TXK: variants seen among roughly 807,000 people sequenced by gnomAD.
TXK encodes the protein tyrosine-protein kinase TXK.
Under a neutral mutation model 81.0 loss-of-function variants are expected in TXK, and 60 were observed. That is an observed-to-expected ratio of 0.74 (90% CI 0.60 to 0.92). The LOEUF (loss-of-function observed/expected upper bound fraction) is 0.92. Ranked by LOEUF, TXK falls within the 40% of genes least tolerant of loss-of-function variation. The pLI is 0.00. For synonymous variants in TXK, 203 were observed against 210.7 expected (o/e 0.96, Z 0.32); for missense variants, 581 against 638.3 (o/e 0.91, Z 0.97).
rs965248222 is a variant in TXK, at chr4:48,124,438, AT to A, written c.16+9716del. On this transcript the variant is annotated intron_variant, in intron 1 of 14. Transcript: ENST00000264316. ...TCTTATCCTTTTTTTTTTATTTTTA[AT>A]TTTTTTTTTCTGTCTTCTCCCTAGC... Among the ~76,000 whole-genome samples the A allele has an allele frequency of 2.9e-3, 434 of 148,884 alleles. 4 individuals carry two copies. The highest frequency in any genetic ancestry group is 0.01 in the African/African-American group (417 of 40,500).
At position 48,123,158 on chromosome 4, in the gene TXK, T is replaced by C. The variant is rs190050316; in HGVS notation, c.17-8756A>G. 2.6e-3 allele frequency among the ~76,000 whole-genome samples: 392 copies of C among 152,348 alleles called. 4 individuals are homozygous for C. The highest frequency in any genetic ancestry group is 6.8e-3 in the Middle Eastern group (2 of 294). ...GCCTGTTATGTTATTTTCTACTTTT[T>C]TCTGTATGCTTGAAATATTTCAAAA... On this transcript the variant is annotated intron_variant, in intron 1 of 14. Coordinates refer to ENST00000264316, the MANE Select transcript of TXK (RefSeq NM_003328.3).
chr4:48,069,333 T>C lies in TXK; in HGVS notation c.1516-1628A>G, dbSNP rs111877305. On this transcript the variant is annotated intron_variant, in intron 14 of 14. Transcript: ENST00000264316. Reference sequence around the variant, plus strand: ...AAATCAATCTTTTCTTTTCTTTTTTTTTTTTTTTTTTTGAGACAGTCTGGC... The same window carrying C: ...AAATCAATCTTTTCTTTTCTTTTTTCTTTTTTTTTTTTGAGACAGTCTGGC... Among the ~76,000 whole-genome samples, 113 of 141,056 alleles carry C rather than the reference T, an allele frequency of 8.0e-4. 1 individual carries two copies. The highest frequency in any genetic ancestry group is 3.5e-3 in the Middle Eastern group (1 of 284). The allele number at this position is 141,056 out of a possible 152,430, so 92.5% of individuals were successfully genotyped here.
Position 48,067,354 on chromosome 4 carries a change from A to G in TXK, c.*283T>C, listed in dbSNP as rs773938945. Reference sequence around the variant, plus strand: ...TGGGGCTATGATCATGAAGAGCACCACAATGAAGACTGCTGCGAAGTCTTT... The same window carrying G: ...TGGGGCTATGATCATGAAGAGCACCGCAATGAAGACTGCTGCGAAGTCTTT... On this transcript the variant is annotated 3_prime_UTR_variant, in exon 15 of 15. Coordinates refer to ENST00000264316, the MANE Select transcript of TXK (RefSeq NM_003328.3). 2.9e-6 allele frequency: 1 copy of G among 349,486 alleles called. No homozygotes were observed. The highest frequency in any genetic ancestry group is 5.4e-6 in the Non-Finnish European group (1 of 186,884). The allele number at this position is 349,486 out of a possible 1,614,324, so 21.6% of individuals were successfully genotyped here.
intron 13 of TXK, among the ~76,000 whole-genome samples, chr4:48,071,987 T>A (rs1716879666): frequency 6.9e-6 from 1 of 145,610 alleles, no homozygotes; most frequent in African/African-American, 2.5e-5. Context: ...AGGGTCTCGC[T>A]CTGTCGCCCG....
At chr4:48,087,094 TTTC>T (rs1378210491) in intron 9 of TXK, among the ~76,000 whole-genome samples, 1 of 152,194 alleles carries the variant, frequency 6.6e-6, no homozygotes, top group East Asian at 1.9e-4. Flanking sequence ...CTTGATACTT[TTTC>T]TTCTTAGGGA....
chr4:48,084,904 GAGAATGGGTCCAGT>G (rs2109417111), intron 10 of TXK, among the ~76,000 whole-genome samples: 2 of 139,382 alleles, frequency 1.4e-5, no homozygotes, highest in East Asian at 5.6e-4. Context: ...CCAGTTAATC[GAGAATGGGTCCAGT>G]TAATCACCTC....
intron 1 of TXK, among the ~76,000 whole-genome samples, chr4:48,119,456 C>T (rs908473572): frequency 3.3e-5 from 5 of 152,178 alleles, no homozygotes; most frequent in African/African-American, 1.2e-4. Flanking sequence ...CATGGACATA[C>T]AGTTCAAGTC....
rs144094572 is a variant in TXK at position 48,096,280 on chromosome 4, T to A, written c.502-1058A>T. Among the ~76,000 whole-genome samples, 715 of 152,312 alleles carry A rather than the reference T, an allele frequency of 4.7e-3. 5 individuals carry two copies. Among genetic ancestry groups the A allele is most frequent in the Non-Finnish European group, 7.4e-3 (503 of 68,022 alleles). Reference sequence around the variant, plus strand: ...GTTACATACCACAGAGGACACAAGATGTAAAAGACAAAGATGAAAAAGTAA... The same window carrying A: ...GTTACATACCACAGAGGACACAAGAAGTAAAAGACAAAGATGAAAAAGTAA... On this transcript the variant is annotated intron_variant, in intron 6 of 14. Transcript: ENST00000264316.
chr4:48,112,232 A>T, intron 4 of TXK, 75 bp downstream of exon 4: 2 of 1,374,642 alleles, frequency 1.5e-6, no homozygotes, highest in Non-Finnish European at 2.1e-6. Context: ...GGGAAGAGTT[A>T]TAAGCCTGAG....
At chr4:48,131,142 A>T (rs1719238257) in intron 1 of TXK, among the ~76,000 whole-genome samples, 1 of 152,128 alleles carries the variant, frequency 6.6e-6, no homozygotes, top group African/African-American at 2.4e-5. Flanking sequence ...TCACAAACTG[A>T]ATCTCACTGG....
chr4:48,131,713 A>G (rs10027991), intron 1 of TXK, among the ~76,000 whole-genome samples: 116,314 of 152,126 alleles, frequency 0.76, 44,660 homozygotes, highest in East Asian at 0.92. Context: ...AATCCCTTGG[A>G]CAATCAAATC....
At chr4:48,070,261 A>AAAG (rs1371309299) in intron 14 of TXK, among the ~76,000 whole-genome samples, 1 of 152,046 alleles carries the variant, frequency 6.6e-6, no homozygotes, top group East Asian at 1.9e-4. Flanking sequence ...CAGAGGTGGA[A>AAAG]AAGAAGCCCC....
chr4:48,074,517 G>A (rs1716989806), intron 12 of TXK, among the ~76,000 whole-genome samples: 2 of 152,082 alleles, frequency 1.3e-5, no homozygotes, highest in Non-Finnish European at 2.9e-5. Flanking sequence ...CAGAAGGGGG[G>A]AAAGTAAAAG....
In TXK at chr4:48,067,131, T is replaced by C. The variant is rs1412759619; in HGVS notation, c.*506A>G. Reference sequence around the variant, plus strand: ...GACATTTCCAGAATACTAACATTCATGTGATTTATAAAGGTGCATTTTCTG... The same window carrying C: ...GACATTTCCAGAATACTAACATTCACGTGATTTATAAAGGTGCATTTTCTG... On this transcript the variant is annotated 3_prime_UTR_variant, in exon 15 of 15. Transcript: ENST00000264316. 1 of 152,556 alleles carries C rather than the reference T, an allele frequency of 6.6e-6. No individual in the cohort carries two copies. Among genetic ancestry groups the C allele is most frequent in the Non-Finnish European group, 1.5e-5 (1 of 68,282 alleles). 9.5% of individuals were successfully genotyped at this position (152,556 alleles called of 1,614,324 possible). A position where few individuals can be genotyped will look rare whatever the true frequency, so the allele number is the denominator to read the frequency against.
intron 6 of TXK, among the ~76,000 whole-genome samples, chr4:48,104,260 TAATATATAATATAATATATAA>T (rs1718321148): frequency 7.5e-5 from 1 of 13,406 alleles, no homozygotes; most frequent in African/African-American, 3.9e-4. Context: ...TTTATATATA[TAATATATAATATAATATATAA>T]TATATATAAT....
intron 9 of TXK, among the ~76,000 whole-genome samples, chr4:48,088,190 C>T (rs993648523): frequency 3.3e-5 from 5 of 152,034 alleles, no homozygotes; most frequent in African/African-American, 7.2e-5. Context: ...GGTATGGAGC[C>T]GCTAGAACTT....
rs574683255 is a variant in TXK at position 48,097,015 on chromosome 4, C to G, written c.502-1793G>C. Reference sequence around the variant, plus strand: ...GCAATAAAAATAAGCATATTCAACTCAAGAAATTAGGATTAAAAACTATAA... The same window carrying G: ...GCAATAAAAATAAGCATATTCAACTGAAGAAATTAGGATTAAAAACTATAA... On this transcript the variant is annotated intron_variant, in intron 6 of 14. Coordinates refer to ENST00000264316, the MANE Select transcript of TXK (RefSeq NM_003328.3). 2.6e-4 allele frequency among the ~76,000 whole-genome samples: 40 copies of G among 152,008 alleles called. 2 individuals carry two copies. The South Asian group carries it at 7.7e-3, about 29-fold the overall frequency.
intron 13 of TXK, among the ~76,000 whole-genome samples, chr4:48,072,900 T>C (rs1282002778): frequency 6.6e-6 from 1 of 152,170 alleles, no homozygotes; most frequent in African/African-American, 2.4e-5. Context: ...TGACACAAGC[T>C]TAACTTTATT....
At chr4:48,113,121 C>T in intron 3 of TXK, 86 bp downstream of exon 3, 1 of 874,872 alleles carries the variant, frequency 1.1e-6, no homozygotes, top group Non-Finnish European at 1.8e-6. Flanking sequence ...ATACTAGATT[C>T]TGGGCAACAA....
Sources: allele counts gnomAD v4.1 joint callset (sites outside exome capture counted in the v4.1 genomes callset), GRCh38; gene constraint gnomAD v4.1.1; transcripts MANE v1.5; gene names NCBI Gene and HGNC (gene_info 2026-07-23, HGNC 2026-07-21).